PCDH7: variants seen among roughly 807,000 people sequenced by gnomAD.
PCDH7 encodes protocadherin-7.
Under a neutral mutation model 58.9 loss-of-function variants are expected in PCDH7, and 17 were observed. That is an observed-to-expected ratio of 0.29 (90% CI 0.20 to 0.43). The LOEUF is 0.43. Ranked by LOEUF, PCDH7 falls within the 20% of genes least tolerant of loss-of-function variation. PCDH7 has a pLI of 1.00. For synonymous variants in PCDH7, 664 were observed against 616.4 expected, an observed-to-expected ratio of 1.08 and a Z score of -1.14; for missense variants, 1,274 against 1,441.0, an observed-to-expected ratio of 0.88 and a Z score of 1.88.
At chr4:30,939,855 C>T (rs1367970973) in intron 2 of PCDH7, among the ~76,000 whole-genome samples, 1 of 152,146 alleles carries the variant, frequency 6.6e-6, no homozygotes, top group South Asian at 2.1e-4. Flanking sequence ...TTAAAATAAG[C>T]ATTTATTACA....
At chr4:31,072,713 TG>T (rs1323602634) in intron 3 of PCDH7, among the ~76,000 whole-genome samples, 1 of 152,134 alleles carries the variant, frequency 6.6e-6, no homozygotes, top group Non-Finnish European at 1.5e-5. Context: ...ATTATTGGAA[TG>T]TGTCAAATAT....
intron 1 of PCDH7, among the ~76,000 whole-genome samples, chr4:30,773,523 T>C (rs1721686450): frequency 6.6e-6 from 1 of 152,008 alleles, no homozygotes; most frequent in Admixed American, 6.6e-5. Context: ...AATGTATTGC[T>C]TAGGAATGCA....
intron 1 of PCDH7, among the ~76,000 whole-genome samples, chr4:30,745,351 A>C (rs1278013619): frequency 1.3e-5 from 2 of 150,928 alleles, no homozygotes; most frequent in East Asian, 1.9e-4. Flanking sequence ...AATTATTTTT[A>C]GGTGGCTTTC....
rs371363969 is a variant in PCDH7, at chr4:31,035,546, G to T, written c.*7+85331G>T. The stretch of plus-strand genomic sequence containing the variant: ...TGGGATCACAGGCTTGAGCCACAGC[G>T]TCGGCCACATCTATGTTTCTTAATA... On this transcript the variant is annotated intron_variant, in intron 3 of 3. Coordinates refer to the PCDH7 transcript ENST00000509759. Among the ~76,000 whole-genome samples the T allele has an allele frequency of 5.9e-5, 9 of 152,178 alleles. No individual in the cohort carries two copies. In the South Asian group the frequency reaches 1.9e-3, roughly 32 times the overall value.
At chr4:30,948,776 G>T (rs1560526668) in intron 2 of PCDH7, among the ~76,000 whole-genome samples, 1 of 151,974 alleles carries the variant, frequency 6.6e-6, no homozygotes, top group Non-Finnish European at 1.5e-5. Context: ...CAACTCAAGG[G>T]CTGACTAATA....
intron 3 of PCDH7, among the ~76,000 whole-genome samples, chr4:30,967,211 GA>G (rs34392526): frequency 5.3e-5 from 8 of 150,672 alleles, no homozygotes; most frequent in South Asian, 2.1e-4. Context: ...ATTGCAAAAA[GA>G]AAAAAAAATC....
At chr4:31,010,801 A>G (rs1222042362) in intron 3 of PCDH7, among the ~76,000 whole-genome samples, 1 of 151,938 alleles carries the variant, frequency 6.6e-6, no homozygotes, top group East Asian at 1.9e-4. Context: ...AAGAATAAGA[A>G]GAAAAAAGGT....
intron 1 of PCDH7, chr4:30,725,425 G>C (rs1277242148): frequency 1.1e-5 from 3 of 276,884 alleles, no homozygotes; most frequent in African/African-American, 6.9e-5. Flanking sequence ...AGAATGTAAA[G>C]ATTATGTGGA....
chr4:30,797,711 C>G (rs774602427), intron 1 of PCDH7, among the ~76,000 whole-genome samples: 4 of 152,120 alleles, frequency 2.6e-5, no homozygotes, highest in Non-Finnish European at 5.9e-5. Flanking sequence ...CCCAGTTCTT[C>G]GCAAAGTGCC....
At chr4:31,114,628 T>A (rs925466634) in intron 3 of PCDH7, among the ~76,000 whole-genome samples, 1 of 89,132 alleles carries the variant, frequency 1.1e-5, no homozygotes, top group Admixed American at 1.3e-4. Context: ...CACTCACACA[T>A]ACAAACACAC....
chr4:31,124,806 CTACA>C (rs1718103779), intron 3 of PCDH7, among the ~76,000 whole-genome samples: 1 of 152,140 alleles, frequency 6.6e-6, no homozygotes, highest in Non-Finnish European at 1.5e-5. Context: ...TTAATATATC[CTACA>C]TAATCTCTTT....
At chr4:30,779,003 GTTTTTTTTTTTTTTT>G (rs386399674) in intron 1 of PCDH7, among the ~76,000 whole-genome samples, 6 of 73,006 alleles carry the variant, frequency 8.2e-5, no homozygotes, top group Admixed American at 4.0e-4. Context: ...TCCTTACTCC[GTTTTTTTTTTTTTTT>G]TTTTTTTTTT....
chr4:30,764,260 T>C (rs1720410590), intron 1 of PCDH7, among the ~76,000 whole-genome samples: 1 of 152,206 alleles, frequency 6.6e-6, no homozygotes, highest in Non-Finnish European at 1.5e-5. Context: ...GTAGTATTTG[T>C]AATGATAATG....
At chr4:31,111,920 A>C (rs1716367370) in intron 3 of PCDH7, among the ~76,000 whole-genome samples, 1 of 152,200 alleles carries the variant, frequency 6.6e-6, no homozygotes, top group Non-Finnish European at 1.5e-5. Flanking sequence ...AAGCATAATG[A>C]TTTGAGCAAG....
At chr4:30,799,812 A>T (rs544999492) in intron 1 of PCDH7, among the ~76,000 whole-genome samples, 1 of 152,228 alleles carries the variant, frequency 6.6e-6, no homozygotes, top group Non-Finnish European at 1.5e-5. Context: ...TATTGCATAT[A>T]ATTCAAGATT....
intron 1 of PCDH7, among the ~76,000 whole-genome samples, chr4:30,840,287 C>T (rs990656291): frequency 6.6e-6 from 1 of 152,054 alleles, no homozygotes; most frequent in African/African-American, 2.4e-5. Context: ...CTTGCTCTGT[C>T]GGATGTCCTT....
chr4:30,791,648 A>G (rs1373353214), intron 1 of PCDH7, among the ~76,000 whole-genome samples: 1 of 152,198 alleles, frequency 6.6e-6, no homozygotes, highest in African/African-American at 2.4e-5. Context: ...AGCAAAATTC[A>G]GCAGATACAA....
intron 1 of PCDH7, chr4:30,786,714 G>A: frequency 1.0e-6 from 1 of 974,418 alleles, no homozygotes; most frequent in Non-Finnish European, 1.2e-6. Context: ...ATATATTTTT[G>A]TATTTTTTAT....
intron 3 of PCDH7, among the ~76,000 whole-genome samples, chr4:31,088,837 C>T (rs555552040): frequency 2.0e-5 from 3 of 152,036 alleles, no homozygotes; most frequent in East Asian, 1.9e-4. Context: ...TTTTCACCTA[C>T]GTAGTAGAGT....
Sources: gnomAD v4.1 joint callset for allele counts (sites outside exome capture counted in the v4.1 genomes callset) on GRCh38, gnomAD v4.1.1 for gene constraint, MANE v1.5 for transcripts, NCBI Gene and HGNC (gene_info 2026-07-23, HGNC 2026-07-21) for gene names.